Variants in OSBPL8 observed in about 807,000 individuals in gnomAD.
OSBPL8 encodes the protein oxysterol-binding protein-related protein 8.
In OSBPL8, 59 loss-of-function variants were observed where a neutral mutation model predicts 125.5. The observed-to-expected ratio is 0.47, with a 90% CI of 0.38 to 0.58. The LOEUF (loss-of-function observed/expected upper bound fraction) is 0.58. Among genes scored for constraint, OSBPL8 ranks in the 20% least tolerant of loss-of-function variants. OSBPL8 has a pLI of 0.00. For missense variants in OSBPL8, 758 were observed against 1,047.8 expected, an observed-to-expected ratio of 0.72 and a Z score of 3.82; for synonymous variants, 330 against 338.9, an observed-to-expected ratio of 0.97 and a Z score of 0.29.
chr12:76,526,293 G>GAT (rs898083011), intron 1 of OSBPL8, among the ~76,000 whole-genome samples: 12 of 152,016 alleles, frequency 7.9e-5, no homozygotes, highest in Admixed American at 5.9e-4. Flanking sequence ...TCTATTTATT[G>GAT]ATATATATAT....
rs774005422 is a variant in OSBPL8, at chr12:76,394,652, C to T, written c.750G>A (p.Glu250=). 1.9e-6 allele frequency: 3 copies of T among 1,610,614 alleles called. No individual in the cohort carries two copies. The Admixed American group carries it at 5.1e-5, about 27-fold the overall frequency. Residue 250 remains glutamate, a synonymous_variant, in exon 9 of 24, where the codon GAG becomes GAA. Coordinates refer to ENST00000261183, the MANE Select transcript of OSBPL8 (RefSeq NM_020841.5). ...SSYLIIRATS[E]SDGRCWMDAL... The stretch of plus-strand genomic sequence containing the variant: ...ATCAAAAACTATACTTACCATCTGA[C>T]TCTGAAGTAGCTCGGATGATCAAAT...
chr12:76,452,970 G>A (rs149420259), intron 3 of OSBPL8, among the ~76,000 whole-genome samples: 23 of 149,618 alleles, frequency 1.5e-4, no homozygotes, highest in Admixed American at 2.7e-4. Context: ...CTTTTGATAC[G>A]TTCTTAATTT....
chr12:76,462,581 A>C (rs1198028045), intron 2 of OSBPL8, among the ~76,000 whole-genome samples: 1 of 152,200 alleles, frequency 6.6e-6, no homozygotes, highest in Non-Finnish European at 1.5e-5. Context: ...TGCCCTTGGT[A>C]CTCATGTCCT....
intron 23 of OSBPL8, among the ~76,000 whole-genome samples, 155 bp downstream of exon 23, chr12:76,356,471 G>C (rs199813631): frequency 2.6e-5 from 4 of 152,232 alleles, no homozygotes; most frequent in African/African-American, 9.6e-5. Flanking sequence ...GAGGAATTTC[G>C]TAAGTGTCAA....
intron 1 of OSBPL8, among the ~76,000 whole-genome samples, chr12:76,503,718 T>G (rs1488981974): frequency 6.6e-6 from 1 of 151,886 alleles, no homozygotes; most frequent in Non-Finnish European, 1.5e-5. Context: ...TTTTTTTTTG[T>G]ATTTTTAGTA....
rs1279305793 is a variant in OSBPL8, at chr12:76,369,619, C to T, written c.2240+18G>A. 6.2e-7 allele frequency: 1 copy of T among 1,601,858 alleles called. No individual in the cohort carries two copies. Among genetic ancestry groups the T allele is most frequent in the Admixed American group, 1.7e-5 (1 of 59,574 alleles). On this transcript the variant is annotated intron_variant, in intron 20 of 23. Transcript: ENST00000261183. Reference sequence around the variant, plus strand: ...ATGCTAATACATTGTTTGAAATAAACTATTTTAAGTTACTTACTCTGCAAA... The same window carrying T: ...ATGCTAATACATTGTTTGAAATAAATTATTTTAAGTTACTTACTCTGCAAA...
At chr12:76,371,280 A>G (rs1238365459) in intron 19 of OSBPL8, 168 bp downstream of exon 19, 2 of 645,924 alleles carry the variant, frequency 3.1e-6, no homozygotes, top group South Asian at 5.5e-5. Context: ...GATTTATATT[A>G]TATTTGACAT....
chr12:76,401,385 A>C (rs1592609271), intron 6 of OSBPL8, among the ~76,000 whole-genome samples: 1 of 152,340 alleles, frequency 6.6e-6, no homozygotes, highest in South Asian at 2.1e-4. Flanking sequence ...TGCAAATTAA[A>C]ATAATAAGAG....
intron 4 of OSBPL8, among the ~76,000 whole-genome samples, chr12:76,439,624 G>A (rs1463790703): frequency 6.6e-6 from 1 of 151,840 alleles, no homozygotes; most frequent in Non-Finnish European, 1.5e-5. Flanking sequence ...TTGTAAACCT[G>A]AGTTTCATGT....
At chr12:76,473,400 C>T (rs1876413701) in intron 2 of OSBPL8, among the ~76,000 whole-genome samples, 1 of 152,078 alleles carries the variant, frequency 6.6e-6, no homozygotes, top group South Asian at 2.1e-4. Flanking sequence ...GTTTTAATTG[C>T]CTTTTATCTA....
intron 1 of OSBPL8, chr12:76,538,102 G>C (rs1950547129): frequency 6.6e-6 from 1 of 152,048 alleles, no homozygotes; most frequent in Admixed American, 6.5e-5. Flanking sequence ...CTACATCAAG[G>C]CCATACCAAT....
intron 8 of OSBPL8, among the ~76,000 whole-genome samples, chr12:76,395,300 C>G (rs575757880): frequency 6.6e-6 from 1 of 152,028 alleles, no homozygotes; most frequent in Non-Finnish European, 1.5e-5. Context: ...TAGAAGTATA[C>G]AATACCAACA....
intron 15 of OSBPL8, among the ~76,000 whole-genome samples, chr12:76,383,639 A>C (rs1254066069): frequency 6.6e-6 from 1 of 152,126 alleles, no homozygotes; most frequent in Non-Finnish European, 1.5e-5. Context: ...TTTGGTTGAA[A>C]TTTAATTGTT....
At chr12:76,398,782 A>G (rs1486571965) in intron 7 of OSBPL8, among the ~76,000 whole-genome samples, 1 of 152,208 alleles carries the variant, frequency 6.6e-6, no homozygotes, top group African/African-American at 2.4e-5. Flanking sequence ...ATTTAGAAAG[A>G]AGGAGTTGGG....
At chr12:76,453,792 C>T (rs1280667154) in intron 3 of OSBPL8, among the ~76,000 whole-genome samples, 1 of 151,638 alleles carries the variant, frequency 6.6e-6, no homozygotes, top group Non-Finnish European at 1.5e-5. Flanking sequence ...ATTTGCAACA[C>T]CCATAATTAA....
At chr12:76,386,391 A>C in intron 13 of OSBPL8, 125 bp from the exon 14 acceptor site, 1 of 1,355,268 alleles carries the variant, frequency 7.4e-7, no homozygotes, top group South Asian at 1.7e-5. Context: ...CAAAGTAAAT[A>C]AAATTTACAT....
intron 2 of OSBPL8, among the ~76,000 whole-genome samples, chr12:76,472,545 T>C (rs1451732065): frequency 6.6e-6 from 1 of 151,896 alleles, no homozygotes; most frequent in East Asian, 1.9e-4. Flanking sequence ...GTGCTGATAT[T>C]TATTGGATAC....
intron 1 of OSBPL8, among the ~76,000 whole-genome samples, chr12:76,514,153 T>C (rs1881293711): frequency 6.6e-6 from 1 of 152,058 alleles, no homozygotes; most frequent in African/African-American, 2.4e-5. Flanking sequence ...CTGAAAAGGA[T>C]CTTTTTTTTG....
intron 4 of OSBPL8, among the ~76,000 whole-genome samples, chr12:76,438,584 T>C (rs1487162754): frequency 1.3e-5 from 2 of 152,244 alleles, no homozygotes; most frequent in African/African-American, 4.8e-5. Flanking sequence ...ATATTTGAGA[T>C]GAAGTGTAAA....
Sources: allele counts gnomAD v4.1 joint callset (sites outside exome capture counted in the v4.1 genomes callset), GRCh38; gene constraint gnomAD v4.1.1; transcripts MANE v1.5; gene names NCBI Gene and HGNC (gene_info 2026-07-23, HGNC 2026-07-21).